The following TBC1D5 variants were observed in gnomAD, a reference collection of about 807,000 sequenced individuals.
TBC1D5 encodes TBC1 domain family member 5, also known as TBC1 domain family, member 5.
TBC1D5 carries 75 observed loss-of-function variants against 100.3 expected under a neutral mutation model. That is an observed-to-expected ratio of 0.75 (90% CI 0.62 to 0.91). The LOEUF is 0.91. TBC1D5 is among the 40% of genes least tolerant of loss of function. The probability of loss-of-function intolerance (pLI) is 0.00; values close to 1 mark genes in which losing one functional copy is unlikely to be tolerated. For synonymous variants in TBC1D5, 323 were observed against 325.6 expected (o/e 0.99, Z 0.09); for missense variants, 910 against 942.4 (o/e 0.97, Z 0.45).
intron 3 of TBC1D5, among the ~76,000 whole-genome samples, chr3:17,465,991 A>G (rs2095294777): frequency 1.3e-5 from 2 of 152,226 alleles, no homozygotes; most frequent in African/African-American, 4.8e-5. Context: ...TATTGTGAAG[A>G]ATTCAGTCAC....
intron 1 of TBC1D5, among the ~76,000 whole-genome samples, chr3:17,629,771 C>T (rs896740552): frequency 7.2e-5 from 11 of 152,292 alleles, no homozygotes; most frequent in African/African-American, 2.4e-4. Flanking sequence ...GGCCTGGGTC[C>T]TGCAATCACA....
At chr3:17,441,046 G>T (rs17043631) in intron 3 of TBC1D5, among the ~76,000 whole-genome samples, 13,869 of 152,168 alleles carry the variant, frequency 0.091, 1,433 homozygotes, top group African/African-American at 0.26. Flanking sequence ...ATAAGAAGCT[G>T]TGTGGTACCC....
intron 3 of TBC1D5, among the ~76,000 whole-genome samples, chr3:17,498,842 T>C (rs537664786): frequency 1.9e-4 from 29 of 152,246 alleles, no homozygotes; most frequent in African/African-American, 6.3e-4. Flanking sequence ...CTCAAGTACA[T>C]GTAAGGAGAA....
intron 1 of TBC1D5, among the ~76,000 whole-genome samples, chr3:17,700,361 A>C (rs1252654689): frequency 1.3e-4 from 20 of 152,212 alleles, no homozygotes; most frequent in Non-Finnish European, 2.2e-4. Flanking sequence ...TGTTAGACCT[A>C]AAACCATAAA....
chr3:17,598,531 TC>T (rs2060722301), intron 2 of TBC1D5, among the ~76,000 whole-genome samples: 1 of 152,160 alleles, frequency 6.6e-6, no homozygotes, highest in South Asian at 2.1e-4. Context: ...TTAAATCTAT[TC>T]CCTTTTTATA....
intron 2 of TBC1D5, among the ~76,000 whole-genome samples, chr3:17,554,611 T>C (rs190747835): frequency 6.6e-6 from 1 of 152,214 alleles, no homozygotes; most frequent in Non-Finnish European, 1.5e-5. Flanking sequence ...CTGACGAATA[T>C]ATATACATTC....
At chr3:17,252,272 A>T (rs1421997340) in intron 16 of TBC1D5, among the ~76,000 whole-genome samples, 5 of 152,154 alleles carry the variant, frequency 3.3e-5, no homozygotes, top group African/African-American at 1.2e-4. Context: ...ATTTGATAAA[A>T]TTGAAATTTA....
chr3:17,660,690 C>T (rs762570497), intron 1 of TBC1D5, among the ~76,000 whole-genome samples: 1 of 152,156 alleles, frequency 6.6e-6, no homozygotes, highest in Admixed American at 6.5e-5. Flanking sequence ...ACAGGTAAGT[C>T]AGGCTGATAA....
intron 3 of TBC1D5, among the ~76,000 whole-genome samples, chr3:17,479,018 C>T (rs2095470985): frequency 6.6e-6 from 1 of 152,210 alleles, no homozygotes; most frequent in Admixed American, 6.5e-5. Context: ...AACTGATACA[C>T]TATCTATGAA....
chr3:17,208,410 G>C (rs1575970125), intron 18 of TBC1D5, among the ~76,000 whole-genome samples: 1 of 152,382 alleles, frequency 6.6e-6, no homozygotes, highest in African/African-American at 2.4e-5. Context: ...GAGAGAACTA[G>C]TCATATGATT....
intron 1 of TBC1D5, among the ~76,000 whole-genome samples, chr3:17,707,936 C>T (rs1267300867): frequency 1.3e-5 from 2 of 152,088 alleles, no homozygotes; most frequent in Admixed American, 1.3e-4. Context: ...CATCTGTGTT[C>T]CCACCAACTA....
chr3:17,613,680 T>A (rs1278374630), intron 2 of TBC1D5, among the ~76,000 whole-genome samples: 4 of 152,240 alleles, frequency 2.6e-5, no homozygotes, highest in Non-Finnish European at 5.9e-5. Context: ...TGCATAAATG[T>A]CTTCTTTTGA....
intron 17 of TBC1D5, among the ~76,000 whole-genome samples, chr3:17,236,032 C>T (rs1349186091): frequency 6.6e-6 from 1 of 152,154 alleles, no homozygotes; most frequent in East Asian, 1.9e-4. Flanking sequence ...TAATCATGTT[C>T]CAAATACTTT....
At chr3:17,195,137 G>A (rs1189198238) in intron 18 of TBC1D5, among the ~76,000 whole-genome samples, 7 of 152,176 alleles carry the variant, frequency 4.6e-5, no homozygotes, top group Admixed American at 2.0e-4. Flanking sequence ...GGTATAAAAG[G>A]TGTCTCCTAG....
chr3:17,550,297 C>A (rs922599616), intron 2 of TBC1D5, among the ~76,000 whole-genome samples: 21 of 151,976 alleles, frequency 1.4e-4, no homozygotes, highest in African/African-American at 4.6e-4. Context: ...GGGTTAAAAG[C>A]GGGCCATTTA....
In TBC1D5 at chr3:17,404,007, G is replaced by A. The variant is rs541812109; in HGVS notation, c.441+687C>T. Among the ~76,000 whole-genome samples, 7 of 152,074 alleles carry A rather than the reference G, an allele frequency of 4.6e-5. No homozygotes were observed. In the South Asian group the frequency reaches 1.0e-3, roughly 23 times the overall value. On this transcript the variant is annotated intron_variant, in intron 7 of 21. Transcript: ENST00000253692. ...CAGAACTTGGTTTTATAATCCAGTA[G>A]GTTTTTATGTACATTTTAAAATGTG... is the stretch of plus-strand genomic sequence containing the variant.
At chr3:17,417,533 A>G (rs914221880) in intron 4 of TBC1D5, among the ~76,000 whole-genome samples, 4 of 152,140 alleles carry the variant, frequency 2.6e-5, no homozygotes, top group Non-Finnish European at 5.9e-5. Flanking sequence ...CATCATTTTT[A>G]TGGCTGCATA....
At chr3:17,247,702 G>A (rs1346774136) in intron 16 of TBC1D5, among the ~76,000 whole-genome samples, 2 of 152,316 alleles carry the variant, frequency 1.3e-5, no homozygotes, top group Non-Finnish European at 2.9e-5. Flanking sequence ...TTTACCCACA[G>A]CAGAACTTCT....
At chr3:17,721,084 G>A (rs547519693) in intron 1 of TBC1D5, among the ~76,000 whole-genome samples, 4 of 151,738 alleles carry the variant, frequency 2.6e-5, no homozygotes, top group African/African-American at 4.8e-5. Context: ...CAACTGATCC[G>A]CCTGCCTCAG....
Sources: gnomAD v4.1 joint callset for allele counts (sites outside exome capture counted in the v4.1 genomes callset) on GRCh38, gnomAD v4.1.1 for gene constraint, MANE v1.5 for transcripts, NCBI Gene and HGNC (gene_info 2026-07-23, HGNC 2026-07-21) for gene names.